The following BRAF variants were observed in gnomAD, a reference collection of about 807,000 sequenced individuals.
The protein encoded by BRAF is B-Raf proto-oncogene, serine/threonine kinase, also known as serine/threonine-protein kinase B-raf.
BRAF carries 16 observed loss-of-function variants against 104.6 expected under a neutral mutation model. The observed-to-expected ratio is 0.15, with a 90% CI of 0.10 to 0.23. The LOEUF (loss-of-function observed/expected upper bound fraction) is 0.23, where lower values mean the gene tolerates loss of function less well. Among genes scored for constraint, BRAF ranks in the 10% least tolerant of loss-of-function variants. The probability of loss-of-function intolerance (pLI) is 1.00; values close to 1 mark genes in which losing one functional copy is unlikely to be tolerated. For missense variants in BRAF, 541 were observed against 937.3 expected, an observed-to-expected ratio of 0.58 and a Z score of 5.52; for synonymous variants, 310 against 341.6, an observed-to-expected ratio of 0.91 and a Z score of 1.02.
chr7:140,829,158 A>C (rs913678732), intron 3 of BRAF, among the ~76,000 whole-genome samples: 5 of 150,774 alleles, frequency 3.3e-5, no homozygotes, highest in African/African-American at 1.2e-4. Context: ...GCTGTTTCCA[A>C]ATTTATACAG....
rs933106613 is a variant in BRAF at position 140,720,485 on chromosome 7, A to G, written c.*6009T>C. ...ATAAAAAGGCATTATATGTTGATAT[A>G]GCTGGTTTTAATCAGCTATGGAACA... On this transcript the variant is annotated 3_prime_UTR_variant, in exon 20 of 20. Transcript: ENST00000644969. 1.9e-6 allele frequency: 2 copies of G among 1,064,572 alleles called. No individual in the cohort carries two copies. The highest frequency in any genetic ancestry group is 5.0e-5 in the East Asian group (1 of 19,916). 65.9% of individuals were successfully genotyped at this position (1,064,572 alleles called of 1,614,324 possible). A position where few individuals can be genotyped will look rare whatever the true frequency, so the allele number is the denominator to read the frequency against.
chr7:140,898,037 A>G (rs1050003813), intron 1 of BRAF, among the ~76,000 whole-genome samples: 1 of 151,976 alleles, frequency 6.6e-6, no homozygotes, highest in African/African-American at 2.4e-5. Context: ...CATCTCTACA[A>G]ATTTTTTCTT....
Position 140,726,832 on chromosome 7 carries a change from G to A in BRAF, c.2402-316C>T, listed in dbSNP as rs940369111. 6.6e-5 allele frequency among the ~76,000 whole-genome samples: 10 copies of A among 152,314 alleles called. No individual in the cohort carries two copies. The South Asian group carries it at 1.2e-3, about 19-fold the overall frequency. On this transcript the variant is annotated intron_variant, in intron 19 of 19. Coordinates refer to ENST00000644969, the MANE Select transcript of BRAF (RefSeq NM_001374258.1). ...AAATTTCTCAGAAACTGAATGTAAA[G>A]TAGTAATGTCAATTTGTAGAATACT...
intron 8 of BRAF, among the ~76,000 whole-genome samples, chr7:140,789,167 C>T (rs1801692571): frequency 6.6e-6 from 1 of 151,732 alleles, no homozygotes; most frequent in Admixed American, 6.6e-5. Context: ...TGAGATTGCA[C>T]CACTGCACTC....
intron 2 of BRAF, among the ~76,000 whole-genome samples, chr7:140,849,514 TAAA>T (rs746301355): frequency 1.5e-5 from 2 of 136,750 alleles, no homozygotes; most frequent in Admixed American, 7.4e-5. Flanking sequence ...GCTTTCTCTT[TAAA>T]AAAAAAAAAA....
At position 140,719,910 on chromosome 7, in the gene BRAF, G is replaced by T. The variant is rs1457555392; in HGVS notation, c.*6584C>A. On this transcript the variant is annotated 3_prime_UTR_variant, in exon 20 of 20. Transcript: ENST00000644969. ...TGGCAGTAACAGAAAAGAGGAATGTGTGTGTGAGTCGCCATAAGGTTTGGA... is the reference window on the plus strand; with the variant it reads ...TGGCAGTAACAGAAAAGAGGAATGTTTGTGTGAGTCGCCATAAGGTTTGGA... 1.9e-6 allele frequency: 2 copies of T among 1,062,472 alleles called. No homozygotes were observed. Among genetic ancestry groups the T allele is most frequent in the African/African-American group, 3.3e-5 (2 of 60,898 alleles). The allele number at this position is 1,062,472 out of a possible 1,614,324, so 65.8% of individuals were successfully genotyped here. A position where few individuals can be genotyped will look rare whatever the true frequency, so the allele number is the denominator to read the frequency against.
chr7:140,870,457 T>C (rs1811450075), intron 1 of BRAF, among the ~76,000 whole-genome samples: 1 of 152,176 alleles, frequency 6.6e-6, no homozygotes, highest in Non-Finnish European at 1.5e-5. Context: ...CTCGTTATTA[T>C]TAGTTTAGAC....
rs534377221 is a variant in BRAF, at chr7:140,721,620, C to T, written c.*4874G>A. 3 of 1,535,736 alleles carry T rather than the reference C, an allele frequency of 2.0e-6. No individual in the cohort carries two copies. The South Asian group carries it at 3.6e-5, about 18-fold the overall frequency. On this transcript the variant is annotated 3_prime_UTR_variant, in exon 20 of 20. Transcript: ENST00000644969. The stretch of plus-strand genomic sequence containing the variant: ...CTCTGGCCAAGCTACAAATCATCAC[C>T]TGAGGCAGAGATGCTACTACCCTCT...
intron 14 of BRAF, among the ~76,000 whole-genome samples, chr7:140,759,449 C>T (rs553103500): frequency 5.9e-5 from 9 of 152,180 alleles, no homozygotes; most frequent in Admixed American, 3.3e-4. Context: ...TGCAATGGCA[C>T]GATTTTGGCT....
chr7:140,924,836 G>A lies in BRAF; in HGVS notation c.-133C>T. The A allele has an allele frequency of 3.0e-6, 1 of 328,016 alleles. No homozygotes were observed. The highest frequency in any genetic ancestry group is 4.9e-5 in the East Asian group (1 of 20,336). 20.3% of individuals were successfully genotyped at this position (328,016 alleles called of 1,614,324 possible). A position where few individuals can be genotyped will look rare whatever the true frequency, so the allele number is the denominator to read the frequency against. The stretch of plus-strand genomic sequence containing the variant: ...GGCGCGGGGGGCGCGGGGAGGAGCG[G>A]CCCGGGCGGCGCCGCGGGCGGAGGG... On this transcript the variant is annotated 5_prime_UTR_variant, in exon 1 of 20. Coordinates refer to ENST00000644969, the MANE Select transcript of BRAF (RefSeq NM_001374258.1). The surrounding 1 kb of genome is among the most constrained non-coding windows in gnomAD (Gnocchi z 4.2).
rs201936066 is a variant in BRAF at position 140,871,071 on chromosome 7, C to CA, written c.139-20860dup. On this transcript the variant is annotated intron_variant, in intron 1 of 19. Transcript: ENST00000644969. ...TGAAGCCCTGTCTCTACTAAAAATACAAAAAAAAATACAAAAAAAAATTGG... is the reference window on the plus strand; with the variant it reads ...TGAAGCCCTGTCTCTACTAAAAATACAAAAAAAAAATACAAAAAAAAATTGG... Among the ~76,000 whole-genome samples, 1,447 of 147,346 alleles carry CA rather than the reference C, an allele frequency of 9.8e-3. 27 individuals carry two copies. Among genetic ancestry groups the CA allele is most frequent in the African/African-American group, 0.033 (1,345 of 40,214 alleles).
In BRAF at chr7:140,720,807, G is replaced by A; in HGVS notation, c.*5687C>T. 9.4e-7 allele frequency: 1 copy of A among 1,066,070 alleles called. No homozygotes were observed. The highest frequency in any genetic ancestry group is 1.1e-6 in the Non-Finnish European group (1 of 879,794). The allele number at this position is 1,066,070 out of a possible 1,614,324, so 66.0% of individuals were successfully genotyped here. On this transcript the variant is annotated 3_prime_UTR_variant, in exon 20 of 20. Coordinates refer to ENST00000644969, the MANE Select transcript of BRAF (RefSeq NM_001374258.1). The stretch of plus-strand genomic sequence containing the variant: ...AAACTTAACACAAAAATGCAACGCA[G>A]TAATTTTCAAAACAAAACCAGGACT...
chr7:140,824,829 G>A (rs547229917), intron 3 of BRAF, among the ~76,000 whole-genome samples: 1 of 152,204 alleles, frequency 6.6e-6, no homozygotes, highest in Non-Finnish European at 1.5e-5. Context: ...CATTCTAGGA[G>A]GCATGTAAGG....
At chr7:140,884,427 ATATGTGTGTGTGTGTG>A (rs1411525906) in intron 1 of BRAF, among the ~76,000 whole-genome samples, 8 of 114,578 alleles carry the variant, frequency 7.0e-5, no homozygotes, top group African/African-American at 1.3e-4. Context: ...TATATATAAG[ATATGTGTGTGTGTGTG>A]TGTGTGTGTG....
At chr7:140,867,040 T>C (rs1483482279) in intron 1 of BRAF, among the ~76,000 whole-genome samples, 1 of 152,214 alleles carries the variant, frequency 6.6e-6, no homozygotes, top group Non-Finnish European at 1.5e-5. Context: ...CAGCTTTCAA[T>C]TCCATTTTCC....
chr7:140,822,780 T>G (rs940115493), intron 3 of BRAF, among the ~76,000 whole-genome samples: 1 of 152,214 alleles, frequency 6.6e-6, no homozygotes, highest in Non-Finnish European at 1.5e-5. Flanking sequence ...TTCTCTTGGG[T>G]AAATACCGAG....
In BRAF at chr7:140,719,636, G is replaced by A; in HGVS notation, c.*6858C>T. ...GGGAGAATTAAAAAAAATAATAAAA[G>A]ATTCAAGCAAACATTGAGAATAGGG... On this transcript the variant is annotated 3_prime_UTR_variant, in exon 20 of 20. Transcript: ENST00000644969. 5 of 1,062,810 alleles carry A rather than the reference G, an allele frequency of 4.7e-6. No individual in the cohort carries two copies. Among genetic ancestry groups the A allele is most frequent in the Non-Finnish European group, 5.7e-6 (5 of 877,456 alleles). 65.8% of individuals were successfully genotyped at this position (1,062,810 alleles called of 1,614,324 possible).
chr7:140,813,369 CA>C (rs959537337), intron 3 of BRAF, among the ~76,000 whole-genome samples: 33 of 150,146 alleles, frequency 2.2e-4, no homozygotes, highest in Non-Finnish European at 4.2e-4. Flanking sequence ...GGCAAAAATC[CA>C]AAAAAAAATT....
chr7:140,808,469 A>G (rs1803892541), intron 4 of BRAF: 1 of 341,162 alleles, frequency 2.9e-6, no homozygotes. Context: ...TTTTTTTTAA[A>G]GAGGATTCAA....
Sources: gnomAD v4.1 joint callset for allele counts (sites outside exome capture counted in the v4.1 genomes callset) on GRCh38, gnomAD v4.1.1 for gene constraint, Gnocchi (gnomAD v3.1) non-coding constraint, MANE v1.5 for transcripts, NCBI Gene and HGNC (gene_info 2026-07-23, HGNC 2026-07-21) for gene names.